Variants in LRP1B observed in about 807,000 individuals in gnomAD.
LRP1B encodes LDL receptor related protein 1B.
Under a neutral mutation model 556.6 loss-of-function variants are expected in LRP1B, and 217 were observed. The observed-to-expected ratio is 0.39, with a 90% confidence interval of 0.35 to 0.44. LRP1B has a LOEUF of 0.44. LRP1B is among the 20% of genes least tolerant of loss of function. The pLI is 1.00. For synonymous variants in LRP1B, 2,047 were observed against 1,865.8 expected (o/e 1.10, Z -2.50); for missense variants, 5,053 against 5,620.8 (o/e 0.90, Z 3.23).
At chr2:141,473,224 AACAT>A (rs533518881) in intron 3 of LRP1B, among the ~76,000 whole-genome samples, 20 of 152,326 alleles carry the variant, frequency 1.3e-4, no homozygotes, top group South Asian at 1.2e-3. Context: ...TGAAAAAATG[AACAT>A]ACATACATAC....
chr2:140,415,325 A>G (rs1685144616), intron 66 of LRP1B, among the ~76,000 whole-genome samples: 1 of 151,928 alleles, frequency 6.6e-6, no homozygotes. Flanking sequence ...GAAGCACGTG[A>G]TCTTTGTTAG....
chr2:141,112,651 T>C (rs967919896), intron 7 of LRP1B, among the ~76,000 whole-genome samples: 2 of 152,198 alleles, frequency 1.3e-5, no homozygotes, highest in Admixed American at 6.5e-5. Context: ...AAGATTATAT[T>C]ATGGATCGGT....
chr2:141,091,645 T>C (rs1390457761), intron 7 of LRP1B, among the ~76,000 whole-genome samples: 1 of 152,170 alleles, frequency 6.6e-6, no homozygotes, highest in Non-Finnish European at 1.5e-5. Flanking sequence ...GGGTCCTGCC[T>C]TGGGCCCTGA....
At chr2:141,968,362 G>A (rs1701623272) in intron 1 of LRP1B, among the ~76,000 whole-genome samples, 1 of 151,688 alleles carries the variant, frequency 6.6e-6, no homozygotes, top group Non-Finnish European at 1.5e-5. Context: ...GAGTACTTTA[G>A]AAATGCAGAC....
At chr2:141,344,879 A>T (rs990084823) in intron 3 of LRP1B, among the ~76,000 whole-genome samples, 5 of 152,190 alleles carry the variant, frequency 3.3e-5, no homozygotes, top group African/African-American at 1.2e-4. Context: ...CCCCCTCAAG[A>T]TGCCCACATC....
intron 41 of LRP1B, among the ~76,000 whole-genome samples, chr2:140,674,325 C>T (rs1685594029): frequency 6.6e-6 from 1 of 152,150 alleles, no homozygotes; most frequent in Admixed American, 6.6e-5. Context: ...TTCAGGCCCT[C>T]CTAATCTCAA....
At chr2:141,668,307 C>G (rs1051914781) in intron 2 of LRP1B, among the ~76,000 whole-genome samples, 1 of 152,080 alleles carries the variant, frequency 6.6e-6, no homozygotes, top group Non-Finnish European at 1.5e-5. Flanking sequence ...TGGTGGTTCT[C>G]CAGCAAAGGC....
At chr2:142,063,178 T>C (rs1204245999) in intron 1 of LRP1B, among the ~76,000 whole-genome samples, 7 of 151,604 alleles carry the variant, frequency 4.6e-5, no homozygotes, top group Non-Finnish European at 8.9e-5. Flanking sequence ...TAACAGATCA[T>C]GAAATTAAAT....
chr2:141,749,112 T>C (rs1316427218), intron 2 of LRP1B, among the ~76,000 whole-genome samples: 2 of 152,204 alleles, frequency 1.3e-5, no homozygotes, highest in Non-Finnish European at 2.9e-5. Context: ...AAATTGGCCC[T>C]TTATAATAAA....
chr2:140,828,549 C>A (rs1206335846), intron 31 of LRP1B, among the ~76,000 whole-genome samples: 1 of 125,724 alleles, frequency 8.0e-6, no homozygotes, highest in Non-Finnish European at 1.6e-5. Context: ...GCGGAGCTTG[C>A]AGTGAGCCGA....
Position 141,323,187 on chromosome 2 carries a change from A to C in LRP1B, c.344-68546T>G, listed in dbSNP as rs563545670. 2.6e-5 allele frequency among the ~76,000 whole-genome samples: 4 copies of C among 152,168 alleles called. No individual in the cohort carries two copies. The South Asian group carries it at 8.3e-4, about 32-fold the overall frequency. On this transcript the variant is annotated intron_variant, in intron 3 of 90. Transcript: ENST00000389484. ...ATATGAACCATTGATACAGAAGAAA[A>C]CTGAAGTATTCTCCTGCCTATATTT...
rs542394247 is a variant in LRP1B at position 141,459,768 on chromosome 2, C to A, written c.343+20628G>T. 8.5e-5 allele frequency among the ~76,000 whole-genome samples: 13 copies of A among 152,192 alleles called. No homozygotes were observed. In the East Asian group the frequency reaches 9.7e-4, roughly 11 times the overall value. ...TCTGCCATGGTTGTGAGGCCTCCCC[C>A]GCCACATGGAACTGTGAGTCCATGA... On this transcript the variant is annotated intron_variant, in intron 3 of 90. Coordinates refer to ENST00000389484, the MANE Select transcript of LRP1B (RefSeq NM_018557.3).
At chr2:141,216,169 G>C (rs1468312713) in intron 6 of LRP1B, among the ~76,000 whole-genome samples, 1 of 152,176 alleles carries the variant, frequency 6.6e-6, no homozygotes, top group African/African-American at 2.4e-5. Context: ...TCACATCTCA[G>C]CCACTACAGC....
intron 3 of LRP1B, among the ~76,000 whole-genome samples, chr2:141,280,886 C>T (rs974871149): frequency 6.6e-6 from 1 of 151,864 alleles, no homozygotes; most frequent in African/African-American, 2.4e-5. Flanking sequence ...AAAGGTGCAG[C>T]CCATATTTGT....
At chr2:141,257,081 G>A (rs1216154834) in intron 3 of LRP1B, among the ~76,000 whole-genome samples, 1 of 151,944 alleles carries the variant, frequency 6.6e-6, no homozygotes, top group Non-Finnish European at 1.5e-5. Context: ...ATAGAGGCAA[G>A]CAGGGAAATC....
intron 84 of LRP1B, among the ~76,000 whole-genome samples, chr2:140,280,517 T>A (rs180932352): frequency 2.0e-5 from 3 of 151,876 alleles, no homozygotes; most frequent in African/African-American, 7.2e-5. Flanking sequence ...GATGAATTCA[T>A]AATTGATTAT....
intron 15 of LRP1B, among the ~76,000 whole-genome samples, chr2:140,997,628 T>C (rs561098823): frequency 1.3e-5 from 2 of 151,906 alleles, no homozygotes; most frequent in Non-Finnish European, 2.9e-5. Flanking sequence ...GCATTTGTCC[T>C]GGAACAAAAA....
At chr2:141,207,599 G>A (rs577740353) in intron 6 of LRP1B, among the ~76,000 whole-genome samples, 2 of 152,148 alleles carry the variant, frequency 1.3e-5, no homozygotes, top group African/African-American at 2.4e-5. Context: ...ATAATATTTT[G>A]TGTGTGTGAA....
chr2:140,909,325 C>T, intron 21 of LRP1B, among the ~76,000 whole-genome samples: 1 of 151,762 alleles, frequency 6.6e-6, no homozygotes, highest in East Asian at 1.9e-4. Flanking sequence ...TTGTATATAT[C>T]CAAAAGTCAT....
Sources: gnomAD v4.1 joint callset for allele counts (sites outside exome capture counted in the v4.1 genomes callset) on GRCh38, gnomAD v4.1.1 for gene constraint, MANE v1.5 for transcripts, NCBI Gene and HGNC (gene_info 2026-07-23, HGNC 2026-07-21) for gene names.